Variants in RAB44 observed in about 807,000 individuals in gnomAD.
RAB44 encodes the protein ras-related protein Rab-44.
A neutral mutation model predicts 93.3 loss-of-function variants in RAB44; 67 were observed. The ratio of observed to expected loss-of-function variants is 0.72; its 90% CI spans 0.59 to 0.88. RAB44 has a LOEUF of 0.88. Among genes scored for constraint, RAB44 ranks in the 40% least tolerant of loss-of-function variants. The probability of loss-of-function intolerance (pLI) is 0.00; values close to 1 mark genes in which losing one functional copy is unlikely to be tolerated. For missense variants in RAB44, 1,064 were observed against 1,261.7 expected, an observed-to-expected ratio of 0.84 and a Z score of 2.37; for synonymous variants, 427 against 520.3, an observed-to-expected ratio of 0.82 and a Z score of 2.44.
chr6:36,714,030 C>A, intron 3 of RAB44, 91 bp downstream of exon 3: 1 of 818,050 alleles, frequency 1.2e-6, no homozygotes, highest in South Asian at 1.5e-5. Context: ...GAAAGGCAAC[C>A]CTTTTCCCAG....
At chr6:36,727,347 A>C (rs1219466538) in intron 10 of RAB44, among the ~76,000 whole-genome samples, 1 of 152,208 alleles carries the variant, frequency 6.6e-6, no homozygotes, top group Non-Finnish European at 1.5e-5. Flanking sequence ...TGGCTCCAGG[A>C]TGGGGCAGAA....
At position 36,720,439 on chromosome 6, in the gene RAB44, A is replaced by C; in HGVS notation, c.905A>C (p.Lys302Thr). 8.1e-7 allele frequency: 1 copy of C among 1,232,826 alleles called. No individual in the cohort carries two copies. Among genetic ancestry groups the C allele is most frequent in the Non-Finnish European group, 1.0e-6 (1 of 988,342 alleles). 76.4% of individuals were successfully genotyped at this position (1,232,826 alleles called of 1,614,324 possible). A position where few individuals can be genotyped will look rare whatever the true frequency, so the allele number is the denominator to read the frequency against. ...GAGAACCAGCAGCTGCAGGAGGCCAAGCGTGACCTGGCTGGGCGGCTGGAG... is the reference window on the plus strand; with the variant it reads ...GAGAACCAGCAGCTGCAGGAGGCCACGCGTGACCTGGCTGGGCGGCTGGAG... ...ASENQQLQEA[K>T]RDLAGRLEEV... Residue 302 changes from lysine to threonine, a missense_variant, in exon 8 of 14, where the codon AAG becomes ACG. Transcript: ENST00000612677.
intron 2 of RAB44, among the ~76,000 whole-genome samples, chr6:36,712,123 T>C (rs2150330181): frequency 6.6e-6 from 1 of 151,788 alleles, no homozygotes; most frequent in East Asian, 2.0e-4. Flanking sequence ...GCCAACATGG[T>C]GAAACCCCAT....
rs1186815858 is a variant in RAB44 at position 36,718,502 on chromosome 6, C to T, written c.742C>T (p.Arg248Trp). 2.8e-5 allele frequency: 34 copies of T among 1,232,126 alleles called. No homozygotes were observed. The highest frequency in any genetic ancestry group is 4.1e-5 in the South Asian group (1 of 24,342). 76.3% of individuals were successfully genotyped at this position (1,232,126 alleles called of 1,614,324 possible). A position where few individuals can be genotyped will look rare whatever the true frequency, so the allele number is the denominator to read the frequency against. The part of the protein sequence containing the change: ...KQQLQAESDS[R>W]GLALTSQMQD... Reference sequence around the variant, plus strand: ...TCTACCTACTCCACAGAGCGACTCTCGGGGCCTGGCCCTCACCTCCCAGAT... The same window carrying T: ...TCTACCTACTCCACAGAGCGACTCTTGGGGCCTGGCCCTCACCTCCCAGAT... Residue 248 changes from arginine to tryptophan, a missense_variant, in exon 7 of 14, where the codon CGG becomes TGG. Physicochemically the swap from Arg to Trp is moderately radical, Grantham distance 101. Transcript: ENST00000612677.
chr6:36,700,651 T>A (rs1350644336), intron 1 of RAB44, among the ~76,000 whole-genome samples: 2 of 151,984 alleles, frequency 1.3e-5, no homozygotes, highest in African/African-American at 4.8e-5. Flanking sequence ...TTGCCCAGGC[T>A]GGTCCTGAAC....
chr6:36,718,990 C>T (rs1454704254), intron 7 of RAB44, among the ~76,000 whole-genome samples: 6 of 151,954 alleles, frequency 3.9e-5, no homozygotes, highest in African/African-American at 1.2e-4. Flanking sequence ...CTGCAAGCTC[C>T]GCCTCAGTTC....
intron 1 of RAB44, among the ~76,000 whole-genome samples, chr6:36,698,765 A>G (rs2395657): frequency 6.6e-6 from 1 of 151,978 alleles, no homozygotes; most frequent in African/African-American, 2.4e-5. Flanking sequence ...GCATTTGCAC[A>G]TGCAGAATGG....
At chr6:36,708,275 T>C (rs1051821866) in intron 2 of RAB44, among the ~76,000 whole-genome samples, 1 of 152,016 alleles carries the variant, frequency 6.6e-6, no homozygotes, top group Admixed American at 6.6e-5. Flanking sequence ...CTCCAGGGCC[T>C]TCACATAAAG....
chr6:36,716,716 T>G (rs1582628491), intron 4 of RAB44, among the ~76,000 whole-genome samples: 1 of 151,244 alleles, frequency 6.6e-6, no homozygotes, highest in Non-Finnish European at 1.5e-5. Context: ...GGCAAGGGGG[T>G]GGGGAGCTTT....
intron 4 of RAB44, among the ~76,000 whole-genome samples, chr6:36,716,280 G>A (rs1762919414): frequency 1.3e-5 from 2 of 151,936 alleles, no homozygotes; most frequent in African/African-American, 2.4e-5. Context: ...GACCAGCCTG[G>A]CCAACATGAT....
chr6:36,726,623 G>T (rs1763245347), intron 10 of RAB44, among the ~76,000 whole-genome samples: 1 of 152,058 alleles, frequency 6.6e-6, no homozygotes, highest in African/African-American at 2.4e-5. Flanking sequence ...AGACTCATAT[G>T]ACTATAATAA....
chr6:36,720,231 T>A, intron 7 of RAB44, 132 bp from the exon 8 acceptor site: 9 of 692,170 alleles, frequency 1.3e-5, no homozygotes, highest in Admixed American at 4.4e-5. Context: ...CGCCCACCAC[T>A]ACTCTGATTT....
At chr6:36,724,883 C>T (rs1763196782) in intron 9 of RAB44, among the ~76,000 whole-genome samples, 1 of 152,206 alleles carries the variant, frequency 6.6e-6, no homozygotes, top group Non-Finnish European at 1.5e-5. Context: ...TGTCACCTTC[C>T]CTCCATTCCT....
chr6:36,722,566 C>T lies in RAB44; in HGVS notation c.2432C>T (p.Ala811Val). 3 of 1,549,306 alleles carry T rather than the reference C, an allele frequency of 1.9e-6. No homozygotes were observed. Among genetic ancestry groups the T allele is most frequent in the Non-Finnish European group, 8.7e-7 (1 of 1,146,226 alleles). The change falls in exon 9 of 14, where the codon GCT (alanine) becomes GTT (valine). Residue 811 changes from alanine (A) to valine (V), a missense_variant. Transcript: ENST00000612677. ...LEDPGMDSRE[A>V]GLTPSPGDPM... The stretch of plus-strand genomic sequence containing the variant: ...GATCCAGGAATGGACTCCAGGGAAG[C>T]TGGGCTGACCCCATCCCCGGGAGAC...
chr6:36,713,120 CA>C (rs1440911534), intron 2 of RAB44, among the ~76,000 whole-genome samples: 1 of 152,184 alleles, frequency 6.6e-6, no homozygotes, highest in African/African-American at 2.4e-5. Flanking sequence ...TTATAATTTT[CA>C]AAAAGGTAAA....
chr6:36,706,211 T>C (rs9394376), intron 2 of RAB44, among the ~76,000 whole-genome samples: 15,127 of 143,482 alleles, frequency 0.11, 907 homozygotes, highest in South Asian at 0.2. Context: ...GGTTGGACTT[T>C]TAAAAATCTG....
At position 36,717,324 on chromosome 6, in the gene RAB44, GCTGGCAGGCAAC is replaced by G. The variant is rs908994827; in HGVS notation, c.556_567del (p.Asn186_Gly189del). ...GGCAGCTGCGGCAGGAGGAGCCCCA[GCTGGCAGGCAAC>G]CTGGCAGGCTTTCTGGCCAAGATGA... is the stretch of plus-strand genomic sequence containing the variant. On this transcript the variant is annotated inframe_deletion, in exon 5 of 14. Coordinates refer to ENST00000612677, the MANE Select transcript of RAB44 (RefSeq NM_001257357.2). The surrounding 1 kb of genome is among the most constrained non-coding windows in gnomAD (Gnocchi z 4.1). The G allele has an allele frequency of 4.1e-6, 5 of 1,232,198 alleles. No homozygotes were observed. The highest frequency in any genetic ancestry group is 3.1e-4 in the Middle Eastern group (1 of 3,208). 76.3% of individuals were successfully genotyped at this position (1,232,198 alleles called of 1,614,324 possible). A position where few individuals can be genotyped will look rare whatever the true frequency, so the allele number is the denominator to read the frequency against.
Position 36,720,277 on chromosome 6 carries a change from G to A in RAB44, c.829-86G>A, listed in dbSNP as rs969819227. 15 of 1,116,014 alleles carry A rather than the reference G, an allele frequency of 1.3e-5. No individual in the cohort carries two copies. In the Admixed American group the frequency reaches 4.7e-4, roughly 35 times the overall value. The allele number at this position is 1,116,014 out of a possible 1,614,324, so 69.1% of individuals were successfully genotyped here. The stretch of plus-strand genomic sequence containing the variant: ...TCCAGGAGCCTGGACAGGGGGTGGG[G>A]GTCTGTGTCCCACAATGGCCTTGGG... On this transcript the variant is annotated intron_variant, in intron 7 of 13. Transcript: ENST00000612677.
chr6:36,724,230 C>T (rs781588948), intron 9 of RAB44, among the ~76,000 whole-genome samples: 7 of 151,822 alleles, frequency 4.6e-5, no homozygotes, highest in Non-Finnish European at 1.0e-4. Flanking sequence ...TGCAGTGGCA[C>T]GATTTCTGCT....
Sources: gnomAD v4.1 joint callset for allele counts (sites outside exome capture counted in the v4.1 genomes callset) on GRCh38, gnomAD v4.1.1 for gene constraint, Gnocchi (gnomAD v3.1) non-coding constraint, MANE v1.5 for transcripts, NCBI Gene and HGNC (gene_info 2026-07-23, HGNC 2026-07-21) for gene names.